KIF18A: variants seen among roughly 807,000 people sequenced by gnomAD.
KIF18A encodes kinesin family member 18A.
A neutral mutation model predicts 103.3 loss-of-function variants in KIF18A; 67 were observed. That is an observed-to-expected ratio of 0.65 (90% confidence interval 0.53 to 0.79). KIF18A has a LOEUF of 0.79. Ranked by LOEUF, KIF18A falls within the 30% of genes least tolerant of loss-of-function variation. KIF18A has a pLI of 0.00. For missense variants in KIF18A, 1,032 were observed against 1,062.5 expected (o/e 0.97, Z 0.40); for synonymous variants, 367 against 355.5 (o/e 1.03, Z -0.36).
At chr11:28,075,487 G>GT (rs1851077100) in intron 10 of KIF18A, among the ~76,000 whole-genome samples, 1 of 152,128 alleles carries the variant, frequency 6.6e-6, no homozygotes, top group African/African-American at 2.4e-5. Context: ...AATAAGGTGA[G>GT]TTTTTAATTT....
chr11:28,079,154 T>A (rs563714577), intron 9 of KIF18A, among the ~76,000 whole-genome samples: 1 of 152,040 alleles, frequency 6.6e-6, no homozygotes, highest in African/African-American at 2.4e-5. Flanking sequence ...AAGGTTCAAT[T>A]ATTTAAAGCC....
At chr11:28,042,980 A>G (rs1850580743) in intron 13 of KIF18A, among the ~76,000 whole-genome samples, 1 of 151,922 alleles carries the variant, frequency 6.6e-6, no homozygotes. Context: ...TGCTATCCCA[A>G]GGAGTTAAGT....
intron 7 of KIF18A, among the ~76,000 whole-genome samples, chr11:28,084,002 A>G (rs1460699681): frequency 6.6e-6 from 1 of 152,134 alleles, no homozygotes; most frequent in Non-Finnish European, 1.5e-5. Flanking sequence ...ACCCCGATAT[A>G]TTATAATTTA....
intron 14 of KIF18A, 87 bp downstream of exon 14, chr11:28,036,130 G>A: frequency 1.3e-6 from 1 of 755,882 alleles, no homozygotes. Flanking sequence ...AATCAAAATG[G>A]CACACTTGGT....
intron 4 of KIF18A, 51 bp downstream of exon 4, chr11:28,091,358 T>C: frequency 1.0e-6 from 1 of 966,064 alleles, no homozygotes; most frequent in Non-Finnish European, 1.6e-6. Context: ...GAAAATAGCT[T>C]AATAGTCACA....
At chr11:28,095,248 T>A (rs1453356829) in intron 2 of KIF18A, among the ~76,000 whole-genome samples, 1 of 152,252 alleles carries the variant, frequency 6.6e-6, no homozygotes, top group Non-Finnish European at 1.5e-5. Flanking sequence ...GCCTACTGCT[T>A]CCTTGCTGTG....
chr11:28,063,670 GA>G (rs1439138399), intron 11 of KIF18A, among the ~76,000 whole-genome samples: 3 of 151,758 alleles, frequency 2.0e-5, no homozygotes, highest in African/African-American at 7.3e-5. Context: ...AATTTTATTG[GA>G]AAAATTTCAA....
At chr11:28,096,763 G>A (rs1373518303) in intron 2 of KIF18A, among the ~76,000 whole-genome samples, 1 of 152,058 alleles carries the variant, frequency 6.6e-6, no homozygotes, top group Non-Finnish European at 1.5e-5. Context: ...AGCTGTCTTG[G>A]GGAAAATATC....
chr11:28,064,839 A>G (rs1850898235), intron 11 of KIF18A, among the ~76,000 whole-genome samples: 2 of 152,098 alleles, frequency 1.3e-5, no homozygotes, highest in Non-Finnish European at 2.9e-5. Flanking sequence ...TAGGCCAGTA[A>G]TGGCTAAAGT....
intron 2 of KIF18A, among the ~76,000 whole-genome samples, chr11:28,096,689 G>GT (rs1851379927): frequency 6.6e-6 from 1 of 152,158 alleles, no homozygotes; most frequent in Admixed American, 6.5e-5. Context: ...GATCAAGAGG[G>GT]TATGTCTTCC....
intron 1 of KIF18A, among the ~76,000 whole-genome samples, chr11:28,105,391 A>G (rs1212995797): frequency 2.0e-5 from 3 of 152,188 alleles, no homozygotes; most frequent in Admixed American, 6.5e-5. Flanking sequence ...AAAAATATAT[A>G]TATTGCTTAC....
At chr11:28,033,528 A>C (rs1467552861) in intron 15 of KIF18A, among the ~76,000 whole-genome samples, 1 of 151,860 alleles carries the variant, frequency 6.6e-6, no homozygotes, top group Non-Finnish European at 1.5e-5. Context: ...CCATTCAGCC[A>C]TGAAACAAGA....
At chr11:28,100,570 G>A (rs1851432614) in intron 1 of KIF18A, among the ~76,000 whole-genome samples, 1 of 148,548 alleles carries the variant, frequency 6.7e-6, no homozygotes, top group South Asian at 2.1e-4. Context: ...AAGGGGGGGG[G>A]TGGTGTCAAG....
intron 1 of KIF18A, among the ~76,000 whole-genome samples, chr11:28,105,572 C>T (rs1851494233): frequency 6.6e-6 from 1 of 152,106 alleles, no homozygotes; most frequent in South Asian, 2.1e-4. Context: ...TATCTTATAA[C>T]TTAAAGTGTA....
intron 13 of KIF18A, among the ~76,000 whole-genome samples, chr11:28,053,868 A>G (rs1850743697): frequency 6.6e-6 from 1 of 152,026 alleles, no homozygotes; most frequent in South Asian, 2.1e-4. Flanking sequence ...CATGTTTGTA[A>G]TTGATTTACT....
chr11:28,074,814 T>C (rs976419060), intron 10 of KIF18A, among the ~76,000 whole-genome samples: 31 of 152,150 alleles, frequency 2.0e-4, no homozygotes, highest in African/African-American at 7.0e-4. Context: ...GGGTTGTTAC[T>C]TATAAGATAA....
At chr11:28,031,938 G>A (rs1850415546) in intron 15 of KIF18A, among the ~76,000 whole-genome samples, 3 of 151,852 alleles carry the variant, frequency 2.0e-5, no homozygotes, top group Admixed American at 2.0e-4. Flanking sequence ...AAAGGAAGAA[G>A]TGAAATTATC....
chr11:28,096,678 TG>T (rs1218067997), intron 2 of KIF18A, among the ~76,000 whole-genome samples: 1 of 152,166 alleles, frequency 6.6e-6, no homozygotes, highest in Non-Finnish European at 1.5e-5. Context: ...CATCCTTACT[TG>T]ATCAAGAGGG....
Position 28,069,423 on chromosome 11 carries a change from C to G in KIF18A, c.1426G>C (p.Ala476Pro), listed in dbSNP as rs771382158. The change falls in exon 11 of 17, where the codon GCC (alanine) becomes CCC (proline). Residue 476 changes from alanine (A) to proline (P), a missense_variant and splice_region_variant. Coordinates refer to ENST00000263181, the MANE Select transcript of KIF18A (RefSeq NM_031217.4). Reference protein sequence around the residue: ...MMCSEDKVEKATGKRDHRLAM... With the variant: ...MMCSEDKVEKPTGKRDHRLAM... ...AGTCTATGATCTCGTTTTCCAGTGGCCTGAAACACGATTCATTTAACAGTA... is the reference window on the plus strand; with the variant it reads ...AGTCTATGATCTCGTTTTCCAGTGGGCTGAAACACGATTCATTTAACAGTA... The G allele has an allele frequency of 1.9e-6, 3 of 1,610,784 alleles. No homozygotes were observed. The African/African-American group carries it at 4.0e-5, about 22-fold the overall frequency.
Sources: gnomAD v4.1 joint callset for allele counts (sites outside exome capture counted in the v4.1 genomes callset) on GRCh38, gnomAD v4.1.1 for gene constraint, MANE v1.5 for transcripts, NCBI Gene and HGNC (gene_info 2026-07-23, HGNC 2026-07-21) for gene names.